The following OTULIN variants were observed in gnomAD, a reference collection of about 807,000 sequenced individuals.
The protein encoded by OTULIN is ubiquitin thioesterase otulin.
OTULIN carries 15 observed loss-of-function variants against 39.6 expected under a neutral mutation model. The ratio of observed to expected loss-of-function variants is 0.38; its 90% CI spans 0.25 to 0.58. The LOEUF (loss-of-function observed/expected upper bound fraction) is 0.58, where lower values mean the gene tolerates loss of function less well. Among genes scored for constraint, OTULIN ranks in the 20% least tolerant of loss-of-function variants. The pLI, the probability that OTULIN is intolerant of heterozygous loss-of-function variation, is 0.66. For synonymous variants in OTULIN, 156 were observed against 170.3 expected (o/e 0.92, Z 0.65); for missense variants, 319 against 445.9 (o/e 0.72, Z 2.56).
At position 14,696,637 on chromosome 5, in the gene OTULIN, C is replaced by A. The variant is rs531866643; in HGVS notation, c.*3589C>A. 6.6e-6 allele frequency: 1 copy of A among 152,222 alleles called. No individual in the cohort carries two copies. Among genetic ancestry groups the A allele is most frequent in the Non-Finnish European group, 1.5e-5 (1 of 68,046 alleles). The allele number at this position is 152,222 out of a possible 1,614,324, so 9.4% of individuals were successfully genotyped here. On this transcript the variant is annotated 3_prime_UTR_variant, in exon 7 of 7. Transcript: ENST00000284274. ...AAAATGCCATTCAAGAACAAAACCACAGATGCCATACAGACCTCCTGTGCT... is the reference window on the plus strand; with the variant it reads ...AAAATGCCATTCAAGAACAAAACCAAAGATGCCATACAGACCTCCTGTGCT...
chr5:14,683,902 G>T, intron 4 of OTULIN, among the ~76,000 whole-genome samples: 1 of 152,018 alleles, frequency 6.6e-6, no homozygotes, highest in African/African-American at 2.4e-5. Context: ...GGATATATTG[G>T]GTAAGATTAT....
intron 1 of OTULIN, among the ~76,000 whole-genome samples, chr5:14,669,059 G>T (rs1444419339): frequency 1.3e-5 from 2 of 152,116 alleles, no homozygotes; most frequent in Non-Finnish European, 2.9e-5. Flanking sequence ...TTTATCTCCA[G>T]GTTAAGAGAA....
At chr5:14,682,169 T>TG (rs1341180291) in intron 4 of OTULIN, among the ~76,000 whole-genome samples, 2 of 152,236 alleles carry the variant, frequency 1.3e-5, no homozygotes, top group Middle Eastern at 3.2e-3. Context: ...TGGAAAGTCA[T>TG]GTGTCTGCAT....
chr5:14,709,890 A>G, the OTULIN span: 3 of 152,660 alleles, frequency 2.0e-5, no homozygotes, highest in Non-Finnish European at 4.4e-5. Context: ...TACATAACAT[A>G]TACAGCATAT....
intron 2 of OTULIN, among the ~76,000 whole-genome samples, chr5:14,674,968 C>T (rs1305099748): frequency 6.6e-6 from 1 of 152,070 alleles, no homozygotes; most frequent in Non-Finnish European, 1.5e-5. Context: ...GATTAGGAAA[C>T]AAAAGGAAGT....
At chr5:14,673,282 G>T (rs1736022992) in intron 1 of OTULIN, among the ~76,000 whole-genome samples, 1 of 152,142 alleles carries the variant, frequency 6.6e-6, no homozygotes, top group African/African-American at 2.4e-5. Flanking sequence ...CTCCATTCTT[G>T]GAACTTGACA....
the OTULIN span, chr5:14,705,967 A>G: frequency 6.6e-6 from 1 of 152,150 alleles, no homozygotes; most frequent in Non-Finnish European, 1.5e-5. Flanking sequence ...CCTGGCTTAT[A>G]GCTAGGGAAC....
the OTULIN span, chr5:14,710,370 C>T: frequency 6.6e-6 from 1 of 152,230 alleles, no homozygotes; most frequent in Non-Finnish European, 1.5e-5. Context: ...CAGGAAAAGT[C>T]ATGCGGCAGG....
intron 4 of OTULIN, among the ~76,000 whole-genome samples, chr5:14,685,714 C>G (rs992522229): frequency 6.6e-6 from 1 of 152,108 alleles, no homozygotes; most frequent in Non-Finnish European, 1.5e-5. Context: ...GAGTACTGTA[C>G]CTACTTTTTA....
At chr5:14,681,645 A>G in intron 4 of OTULIN, 38 bp downstream of exon 4, 1 of 1,579,140 alleles carries the variant, frequency 6.3e-7, no homozygotes, top group Non-Finnish European at 8.6e-7. Context: ...AAAATGTTTC[A>G]AACAATTTTT....
the OTULIN span, chr5:14,707,901 G>C: frequency 1.3e-5 from 2 of 152,184 alleles, no homozygotes; most frequent in Non-Finnish European, 2.9e-5. Context: ...GATGCAGGCA[G>C]TCATGGGGGA....
At chr5:14,713,398 G>C in the OTULIN span, 1 of 1,218,572 alleles carries the variant, frequency 8.2e-7, no homozygotes, top group Non-Finnish European at 1.2e-6. This position sits in a 1 kb window ranked among gnomAD's most constrained non-coding sequence, Gnocchi z 4.4. Flanking sequence ...TCCACCTGGT[G>C]CCTGGGCAGA....
At chr5:14,689,045 A>G (rs766750142) in intron 5 of OTULIN, among the ~76,000 whole-genome samples, 11 of 152,202 alleles carry the variant, frequency 7.2e-5, no homozygotes, top group African/African-American at 2.4e-5. Context: ...AATTCTCACA[A>G]CTATGAAGGT....
intron 2 of OTULIN, among the ~76,000 whole-genome samples, chr5:14,677,941 T>C (rs1736147496): frequency 1.3e-5 from 2 of 152,224 alleles, no homozygotes; most frequent in Admixed American, 6.5e-5. Context: ...TGAGCACCTG[T>C]GTGTCAGTGC....
At chr5:14,683,934 G>A (rs1261479948) in intron 4 of OTULIN, among the ~76,000 whole-genome samples, 1 of 152,102 alleles carries the variant, frequency 6.6e-6, no homozygotes, top group Non-Finnish European at 1.5e-5. Context: ...AAAATAGTCT[G>A]GGTAGATTAC....
At chr5:14,686,664 T>G (rs939322891) in intron 4 of OTULIN, among the ~76,000 whole-genome samples, 1 of 152,210 alleles carries the variant, frequency 6.6e-6, no homozygotes, top group Non-Finnish European at 1.5e-5. Context: ...GACACACCTG[T>G]GCCCAGCCTA....
chr5:14,670,396 T>A (rs75588565), intron 1 of OTULIN, among the ~76,000 whole-genome samples: 3,741 of 152,304 alleles, frequency 0.025, 139 homozygotes, highest in African/African-American at 0.085. Context: ...CTTAAAAAAT[T>A]AAAGCAAAAG....
rs188300698 is a variant in OTULIN at position 14,670,225 on chromosome 5, C to G, written c.153-3417C>G. 1.6e-3 allele frequency among the ~76,000 whole-genome samples: 241 copies of G among 152,278 alleles called. 2 individuals are homozygous for G. The highest frequency in any genetic ancestry group is 0.01 in the Middle Eastern group (3 of 294). On this transcript the variant is annotated intron_variant, in intron 1 of 6. Transcript: ENST00000284274. ...AGAGTGGATACCTCTCCACCACCAC[C>G]CCAACTTGACACACAAAAGGTTGCC...
At chr5:14,678,383 T>G (rs551176467) in intron 2 of OTULIN, among the ~76,000 whole-genome samples, 1 of 152,344 alleles carries the variant, frequency 6.6e-6, no homozygotes, top group South Asian at 2.1e-4. Flanking sequence ...TGGAGCTCTC[T>G]GAGCGCAGGA....
Sources: allele counts gnomAD v4.1 joint callset (sites outside exome capture counted in the v4.1 genomes callset), GRCh38; gene constraint gnomAD v4.1.1; non-coding constraint Gnocchi (gnomAD v3.1); transcripts MANE v1.5; gene names NCBI Gene and HGNC (gene_info 2026-07-23, HGNC 2026-07-21).